The following ASIC2 variants were observed in gnomAD, a reference collection of about 807,000 sequenced individuals.
ASIC2 encodes acid sensing ion channel subunit 2, also known as acid-sensing ion channel 2.
In ASIC2, 25 loss-of-function variants were observed where a neutral mutation model predicts 57.3. The ratio of observed to expected loss-of-function variants is 0.44; its 90% confidence interval spans 0.32 to 0.61. The LOEUF is 0.61. Among genes scored for constraint, ASIC2 ranks in the 20% least tolerant of loss-of-function variants. ASIC2 has a pLI of 0.06. For synonymous variants in ASIC2, 319 were observed against 307.5 expected (o/e 1.04, Z -0.39); for missense variants, 641 against 738.1 (o/e 0.87, Z 1.52).
At position 33,608,436 on chromosome 17, in the gene ASIC2, G is replaced by A. The variant is rs143344376; in HGVS notation, c.556-496369C>T. Among the ~76,000 whole-genome samples the A allele has an allele frequency of 1.3e-4, 20 of 152,264 alleles. No individual in the cohort carries two copies. In the East Asian group the frequency reaches 3.7e-3, roughly 28 times the overall value. On this transcript the variant is annotated intron_variant, in intron 1 of 9. Transcript: ENST00000359872. ...TATATTTTCGGCATCTCCAACTGTA[G>A]GTCGTAGGAATCCACACATCTAGGT...
At chr17:33,519,606 C>T (rs1021827126) in intron 1 of ASIC2, among the ~76,000 whole-genome samples, 1 of 152,176 alleles carries the variant, frequency 6.6e-6, no homozygotes. Flanking sequence ...TCTCGGCTCA[C>T]TGTCATGGAA....
chr17:33,113,174 A>C (rs2092266544), intron 1 of ASIC2, among the ~76,000 whole-genome samples: 1 of 152,216 alleles, frequency 6.6e-6, no homozygotes, highest in Non-Finnish European at 1.5e-5. Flanking sequence ...TCTTTGTCCA[A>C]GTTTTGACAT....
At chr17:33,284,551 C>T (rs1905073223) in intron 1 of ASIC2, among the ~76,000 whole-genome samples, 1 of 152,096 alleles carries the variant, frequency 6.6e-6, no homozygotes, top group African/African-American at 2.4e-5. Flanking sequence ...CCTACAGCAA[C>T]TTGCAGTGAA....
At chr17:33,947,965 GCTAA>G (rs1226268404) in intron 1 of ASIC2, among the ~76,000 whole-genome samples, 1 of 152,144 alleles carries the variant, frequency 6.6e-6, no homozygotes, top group East Asian at 1.9e-4. Flanking sequence ...GATCTTAAGT[GCTAA>G]CTAAGCACTA....
rs576377696 is a variant in ASIC2, at chr17:34,046,286, G to A, written c.555+109692C>T. 3.3e-5 allele frequency among the ~76,000 whole-genome samples: 5 copies of A among 152,272 alleles called. No individual in the cohort carries two copies. The East Asian group carries it at 5.8e-4, about 18-fold the overall frequency. On this transcript the variant is annotated intron_variant, in intron 1 of 9. Coordinates refer to the ASIC2 transcript ENST00000359872. ...CTAAGTGTTTGGACTGGTTTATTAC[G>A]AAGCAACAGATAACCAAAACAGGTG...
intron 1 of ASIC2, among the ~76,000 whole-genome samples, chr17:34,151,105 G>GAAAAAA (rs56803983): frequency 8.0e-6 from 1 of 125,298 alleles, no homozygotes; most frequent in Non-Finnish European, 1.7e-5. Flanking sequence ...TCCATCTCAA[G>GAAAAAA]AAAAAAAAAA....
intron 1 of ASIC2, among the ~76,000 whole-genome samples, chr17:33,510,390 G>A (rs1914394890): frequency 6.6e-6 from 1 of 152,160 alleles, no homozygotes; most frequent in African/African-American, 2.4e-5. Flanking sequence ...GGTGGCTCAT[G>A]CCTGTAATCC....
At chr17:34,010,395 G>A (rs1906670773) in intron 1 of ASIC2, among the ~76,000 whole-genome samples, 1 of 152,104 alleles carries the variant, frequency 6.6e-6, no homozygotes, top group African/African-American at 2.4e-5. Context: ...TCCACCACTG[G>A]GCTGTATCCT....
intron 3 of ASIC2, among the ~76,000 whole-genome samples, chr17:33,056,377 T>C (rs562914133): frequency 1.1e-4 from 17 of 152,320 alleles, no homozygotes; most frequent in African/African-American, 3.8e-4. Flanking sequence ...AAAATGGACA[T>C]GCTTAATGTT....
intron 1 of ASIC2, among the ~76,000 whole-genome samples, chr17:33,211,145 C>T (rs567551851): frequency 3.0e-4 from 46 of 152,104 alleles, no homozygotes; most frequent in African/African-American, 8.9e-4. Flanking sequence ...CCAGGGGTGA[C>T]GGATAGCATG....
At chr17:34,061,821 A>G (rs1908982094) in intron 1 of ASIC2, among the ~76,000 whole-genome samples, 1 of 152,202 alleles carries the variant, frequency 6.6e-6, no homozygotes, top group Non-Finnish European at 1.5e-5. Context: ...CAACAAGAAA[A>G]TATTACAATC....
intron 1 of ASIC2, among the ~76,000 whole-genome samples, chr17:33,328,857 T>A (rs1907187599): frequency 1.3e-5 from 2 of 152,338 alleles, no homozygotes; most frequent in South Asian, 4.1e-4. Context: ...CATACATGTA[T>A]AAATTAAATT....
At chr17:33,017,530 C>T in intron 8 of ASIC2, 75 bp downstream of exon 8, 1 of 1,294,712 alleles carries the variant, frequency 7.7e-7, no homozygotes, top group Admixed American at 1.8e-5. Context: ...CTTCCCTCTA[C>T]TATGATTCTG....
intron 1 of ASIC2, among the ~76,000 whole-genome samples, chr17:33,401,897 C>T (rs1267553803): frequency 2.6e-5 from 4 of 152,096 alleles, no homozygotes; most frequent in Admixed American, 6.5e-5. Flanking sequence ...GGTCTCTCTC[C>T]CATAGTGTGA....
At chr17:33,116,675 C>T (rs1047924652) in intron 1 of ASIC2, among the ~76,000 whole-genome samples, 15 of 152,158 alleles carry the variant, frequency 9.9e-5, no homozygotes, top group Non-Finnish European at 2.1e-4. Context: ...ATAAGTCCCA[C>T]AACTATCATT....
intron 1 of ASIC2, among the ~76,000 whole-genome samples, chr17:33,483,175 C>T (rs549372958): frequency 1.3e-5 from 2 of 152,342 alleles, no homozygotes; most frequent in African/African-American, 2.4e-5. Flanking sequence ...CCCGTTACTT[C>T]CTTCCATCCC....
In ASIC2 at chr17:33,137,670, T is replaced by C. The variant is rs143423455; in HGVS notation, c.709-25603A>G. 2.6e-3 allele frequency among the ~76,000 whole-genome samples: 402 copies of C among 152,298 alleles called. 1 individual carries two copies. The highest frequency in any genetic ancestry group is 9.3e-3 in the African/African-American group (385 of 41,550). On this transcript the variant is annotated intron_variant, in intron 1 of 9. Coordinates refer to ENST00000225823, the MANE Select transcript of ASIC2 (RefSeq NM_183377.2). ...CAGGAGTTTTGGCCTGCTCAGTGCT[T>C]ACACCCAGAGTGTTTCCATGGCTGG...
chr17:33,763,085 C>T (rs12452093), intron 1 of ASIC2, among the ~76,000 whole-genome samples: 19,805 of 152,144 alleles, frequency 0.13, 2,054 homozygotes, highest in East Asian at 0.55. Flanking sequence ...AGATCTCTGA[C>T]TCCAATTCCA....
At chr17:34,098,907 AC>A (rs1910642817) in intron 1 of ASIC2, among the ~76,000 whole-genome samples, 1 of 151,924 alleles carries the variant, frequency 6.6e-6, no homozygotes, top group Admixed American at 6.6e-5. Flanking sequence ...TGATTTCCAT[AC>A]CGTGTGATGC....
Sources: allele counts gnomAD v4.1 joint callset (sites outside exome capture counted in the v4.1 genomes callset), GRCh38; gene constraint gnomAD v4.1.1; transcripts MANE v1.5; gene names NCBI Gene and HGNC (gene_info 2026-07-23, HGNC 2026-07-21).